Variants in TNFSF4 observed in about 807,000 individuals in gnomAD.
TNFSF4 encodes the protein tumor necrosis factor ligand superfamily member 4.
In TNFSF4, 4 loss-of-function variants were observed where a neutral mutation model predicts 7.3. The ratio of observed to expected loss-of-function variants is 0.55; its 90% CI spans 0.27 to 1.25. TNFSF4 has a LOEUF of 1.25. TNFSF4 is among the 50% of genes most tolerant of loss of function. TNFSF4 has a pLI of 0.12. For missense variants in TNFSF4, 181 were observed against 208.8 expected (o/e 0.87, Z 0.82); for synonymous variants, 76 against 83.7 (o/e 0.91, Z 0.50).
the TNFSF4 span, among the ~76,000 whole-genome samples, chr1:173,246,414 T>C: frequency 1.3e-4 from 20 of 152,124 alleles, no homozygotes; most frequent in Non-Finnish European, 1.2e-4. Flanking sequence ...GGGTATATAC[T>C]CAAAGGATTA....
chr1:173,443,645 C>T, the TNFSF4 span, among the ~76,000 whole-genome samples: 1 of 152,154 alleles, frequency 6.6e-6, no homozygotes, highest in South Asian at 2.1e-4. Flanking sequence ...TCCAGGACCT[C>T]TCTCCCCCGT....
downstream of TNFSF4, among the ~76,000 whole-genome samples, chr1:173,181,068 A>G (rs1014481982): frequency 5.3e-5 from 8 of 152,212 alleles, no homozygotes; most frequent in African/African-American, 1.7e-4. Context: ...GAATGATCAT[A>G]GGATTATAGA....
chr1:173,240,986 CACA>C, the TNFSF4 span, among the ~76,000 whole-genome samples: 1 of 152,144 alleles, frequency 6.6e-6, no homozygotes, highest in African/African-American at 2.4e-5. Flanking sequence ...ATTGTCTAGC[CACA>C]ACATTTACCT....
the TNFSF4 span, among the ~76,000 whole-genome samples, chr1:173,306,503 G>A: frequency 6.6e-6 from 1 of 151,888 alleles, no homozygotes; most frequent in Non-Finnish European, 1.5e-5. Flanking sequence ...TCTAGTGTAG[G>A]TATTCTCTCT....
chr1:173,279,913 T>C, the TNFSF4 span, among the ~76,000 whole-genome samples: 11 of 152,270 alleles, frequency 7.2e-5, no homozygotes, highest in South Asian at 2.3e-3. Context: ...TTCTTCATTA[T>C]TTTAGAATAA....
chr1:173,321,047 C>T, the TNFSF4 span, among the ~76,000 whole-genome samples: 3 of 152,276 alleles, frequency 2.0e-5, no homozygotes, highest in African/African-American at 7.2e-5. Flanking sequence ...AAGAACAAAG[C>T]TGGAGGCATC....
chr1:173,328,722 C>T, the TNFSF4 span, among the ~76,000 whole-genome samples: 16 of 151,738 alleles, frequency 1.1e-4, no homozygotes, highest in African/African-American at 2.4e-4. Context: ...TAGACGAAAA[C>T]GTAGATTTAT....
chr1:173,306,031 T>C, the TNFSF4 span, among the ~76,000 whole-genome samples: 6 of 151,888 alleles, frequency 4.0e-5, no homozygotes, highest in African/African-American at 1.5e-4. Flanking sequence ...TAATAAAATA[T>C]GTTAATCTAC....
the TNFSF4 span, among the ~76,000 whole-genome samples, chr1:173,318,489 C>T: frequency 1.2e-4 from 18 of 152,198 alleles, no homozygotes; most frequent in African/African-American, 4.3e-4. Context: ...TTCTTAAGGT[C>T]AAGGGAATGG....
the TNFSF4 span, among the ~76,000 whole-genome samples, chr1:173,294,025 C>T: frequency 2.0e-5 from 3 of 152,082 alleles, no homozygotes; most frequent in Non-Finnish European, 4.4e-5. Context: ...ATTAGTTCAG[C>T]CACTGTGGAA....
the TNFSF4 span, among the ~76,000 whole-genome samples, chr1:173,328,612 C>A: frequency 1.1e-4 from 17 of 150,354 alleles, no homozygotes; most frequent in East Asian, 1.7e-3. Flanking sequence ...CAGCAAACCA[C>A]CATGGCACAT....
At chr1:173,270,848 T>C in the TNFSF4 span, among the ~76,000 whole-genome samples, 8 of 152,254 alleles carry the variant, frequency 5.3e-5, no homozygotes, top group East Asian at 1.5e-3. Context: ...AGTCATAATC[T>C]GACCAATGCA....
the TNFSF4 span, among the ~76,000 whole-genome samples, chr1:173,348,696 T>G: frequency 6.6e-6 from 1 of 152,016 alleles, no homozygotes. Context: ...AGGCACAAAT[T>G]ATTAGTATCA....
At chr1:173,234,128 G>T in the TNFSF4 span, among the ~76,000 whole-genome samples, 1 of 152,224 alleles carries the variant, frequency 6.6e-6, no homozygotes, top group South Asian at 2.1e-4. Flanking sequence ...CCATCAAAAA[G>T]TTGGCGAAGG....
At chr1:173,240,393 T>A in the TNFSF4 span, among the ~76,000 whole-genome samples, 1 of 152,228 alleles carries the variant, frequency 6.6e-6, no homozygotes, top group Non-Finnish European at 1.5e-5. Context: ...ATTTTTAAAA[T>A]ATATGGCATG....
chr1:173,319,872 G>C, the TNFSF4 span, among the ~76,000 whole-genome samples: 2 of 151,992 alleles, frequency 1.3e-5, no homozygotes, highest in Non-Finnish European at 2.9e-5. Flanking sequence ...AAAGATCAAA[G>C]GTAGATAAAT....
At chr1:173,266,205 G>C in the TNFSF4 span, among the ~76,000 whole-genome samples, 1 of 152,132 alleles carries the variant, frequency 6.6e-6, no homozygotes, top group Non-Finnish European at 1.5e-5. Context: ...GTATTTGAAG[G>C]CTGGGTGTGA....
chr1:173,174,477 A>G, the TNFSF4 span: 37 of 152,300 alleles, frequency 2.4e-4, no homozygotes, highest in African/African-American at 8.7e-4. Context: ...AGACTAGGTA[A>G]TTTATAGAGG....
At chr1:173,335,283 G>T in the TNFSF4 span, among the ~76,000 whole-genome samples, 2 of 152,128 alleles carry the variant, frequency 1.3e-5, no homozygotes, top group African/African-American at 4.8e-5. Context: ...TGTTACTTAA[G>T]ATCTACTCAC....
Sources: gnomAD v4.1 joint callset for allele counts (sites outside exome capture counted in the v4.1 genomes callset) on GRCh38, gnomAD v4.1.1 for gene constraint, MANE v1.5 for transcripts, NCBI Gene and HGNC (gene_info 2026-07-23, HGNC 2026-07-21) for gene names.